DUOX1: variants seen among roughly 807,000 people sequenced by gnomAD.
DUOX1 encodes the protein NADPH thyroid oxidase 1.
A neutral mutation model predicts 181.8 loss-of-function variants in DUOX1; 134 were observed. That is an observed-to-expected ratio of 0.74 (90% CI 0.64 to 0.85). DUOX1 has a LOEUF of 0.85. DUOX1 is among the 40% of genes least tolerant of loss of function. The pLI, the probability that DUOX1 is intolerant of heterozygous loss-of-function variation, is 0.00. For synonymous variants in DUOX1, 798 were observed against 832.5 expected, an observed-to-expected ratio of 0.96 and a Z score of 0.71; for missense variants, 1,814 against 2,064.4, an observed-to-expected ratio of 0.88 and a Z score of 2.35.
Position 45,141,059 on chromosome 15 carries a change from C to T in DUOX1, c.1554C>T (p.Asn518=), listed in dbSNP as rs185196471. The T allele has an allele frequency of 5.6e-5, 91 of 1,614,234 alleles. No homozygotes were observed. The highest frequency in any genetic ancestry group is 7.6e-5 in the Non-Finnish European group (90 of 1,180,040). The part of the protein sequence containing the change: ...LRDGDRYWFE[N]TRNGLFSKKE... ...ATGGTGACCGCTACTGGTTTGAGAACACCAGGAATGGGTAAGGCGTGCTGG... is the reference window on the plus strand; with the variant it reads ...ATGGTGACCGCTACTGGTTTGAGAATACCAGGAATGGGTAAGGCGTGCTGG... Residue 518 remains asparagine, a synonymous_variant, in exon 13 of 34, where the codon AAC becomes AAT. Transcript: ENST00000389037.
At chr15:45,137,796 C>A in intron 9 of DUOX1, 128 bp from the exon 10 acceptor site, 1 of 695,466 alleles carries the variant, frequency 1.4e-6, no homozygotes, top group Non-Finnish European at 2.3e-6. Context: ...TGCTAAGGTC[C>A]GAACCACACA....
At chr15:45,156,553 C>T (rs1445033187) in intron 28 of DUOX1, among the ~76,000 whole-genome samples, 1 of 152,188 alleles carries the variant, frequency 6.6e-6, no homozygotes, top group African/African-American at 2.4e-5. Context: ...CTGTCTCAGC[C>T]TCCTGAGTAG....
intron 4 of DUOX1, 115 bp downstream of exon 4, chr15:45,134,424 G>A: frequency 8.6e-7 from 1 of 1,159,734 alleles, no homozygotes; most frequent in Non-Finnish European, 1.2e-6. Context: ...GGATGAGGGT[G>A]AGAGGTGGAG....
chr15:45,141,541 C>T (rs1159622666), intron 14 of DUOX1, 131 bp downstream of exon 14: 7 of 1,033,796 alleles, frequency 6.8e-6, no homozygotes, highest in Non-Finnish European at 8.8e-6. Flanking sequence ...TGGTTCTGCC[C>T]TTGGGAACTC....
chr15:45,148,245 C>T (rs181487318), intron 20 of DUOX1, 27 bp from the exon 21 acceptor site: 245 of 1,613,358 alleles, frequency 1.5e-4, no homozygotes, highest in Non-Finnish European at 1.9e-4. Flanking sequence ...CAGTCAGGGC[C>T]GGATGGTTCC....
intron 21 of DUOX1, among the ~76,000 whole-genome samples, chr15:45,149,619 TG>T (rs1348382129): frequency 4.6e-5 from 7 of 152,126 alleles, no homozygotes; most frequent in Non-Finnish European, 4.4e-5. Context: ...GAGGCCAAAG[TG>T]GGAGGATCAC....
chr15:45,156,145 T>A (rs1595593794), intron 28 of DUOX1, among the ~76,000 whole-genome samples: 1 of 152,112 alleles, frequency 6.6e-6, no homozygotes, highest in Admixed American at 6.5e-5. Context: ...CTGGCATGGG[T>A]TTTGCAGTAG....
chr15:45,149,089 G>A (rs1413637126), intron 21 of DUOX1, among the ~76,000 whole-genome samples: 1 of 152,152 alleles, frequency 6.6e-6, no homozygotes, highest in East Asian at 1.9e-4. Flanking sequence ...CAGCAGGCAG[G>A]AGGGTCTGTC....
rs1896709577 is a variant in DUOX1 at position 45,148,292 on chromosome 15, A to G, written c.2663A>G (p.Asn888Ser). Residue 888 changes from asparagine (N) to serine (S), a missense_variant, in exon 21 of 34, where the codon AAC (asparagine) becomes AGC (serine). Asn to Ser is a conservative substitution (Grantham distance 46). Coordinates refer to ENST00000389037, the MANE Select transcript of DUOX1 (RefSeq NM_175940.3). ...RMLRSFIEIS[N>S]NCLSKAQLAE... ...CCCAGATCCTTCATCGAGATCTCCA[A>G]CAACTGCCTGTCCAAGGCCCAGCTG... 17 of 1,614,212 alleles carry G rather than the reference A, an allele frequency of 1.1e-5. No individual in the cohort carries two copies. Among genetic ancestry groups the G allele is most frequent in the Non-Finnish European group, 1.4e-5 (17 of 1,180,038 alleles).
rs1567015196 is a variant in DUOX1, at chr15:45,147,929, T to C, written c.2574T>C (p.Leu858=). 2 of 1,613,994 alleles carry C rather than the reference T, an allele frequency of 1.2e-6. No homozygotes were observed. The change falls in exon 20 of 34, where the codon CTT becomes CTC. Residue 858 remains leucine (L), a synonymous_variant. Coordinates refer to ENST00000389037, the MANE Select transcript of DUOX1 (RefSeq NM_175940.3). The part of the protein sequence containing the change: ...MKGSPEEKSR[L]MFRMYDFDGN... ...GCTCTCCTGAGGAAAAGTCTCGCCT[T>C]ATGTTCCGCATGTACGACTTTGATG...
At chr15:45,154,101 C>A in intron 27 of DUOX1, 101 bp downstream of exon 27, 2 of 1,104,826 alleles carry the variant, frequency 1.8e-6, no homozygotes, top group Non-Finnish European at 2.8e-6. Context: ...TCACTCAGCT[C>A]TTCCGGTGAC....
intron 18 of DUOX1, among the ~76,000 whole-genome samples, chr15:45,145,353 C>G (rs949858920): frequency 6.6e-6 from 1 of 152,208 alleles, no homozygotes; most frequent in Non-Finnish European, 1.5e-5. Flanking sequence ...GCTGCCCAGA[C>G]TTTCCATCCT....
At chr15:45,163,387 G>A (rs886207116) in intron 31 of DUOX1, 145 bp from the exon 32 acceptor site, 23 of 1,196,004 alleles carry the variant, frequency 1.9e-5, no homozygotes, top group Middle Eastern at 2.9e-4. Flanking sequence ...GCCTGGCCCC[G>A]TGGCCCATAC....
At chr15:45,141,101 C>T (rs758878234) in intron 13 of DUOX1, 31 bp downstream of exon 13, 2 of 1,613,420 alleles carry the variant, frequency 1.2e-6, no homozygotes, top group African/African-American at 1.3e-5. Flanking sequence ...GCCTCAGGCT[C>T]TACCTCGGCC....
At position 45,164,949 on chromosome 15, in the gene DUOX1, A is replaced by G; in HGVS notation, c.*48A>G. ...CACTGCCCAGTTGAGCAGAGGTTTGAGCCCACACCTCACCTCTGTTCTTCC... is the reference window on the plus strand; with the variant it reads ...CACTGCCCAGTTGAGCAGAGGTTTGGGCCCACACCTCACCTCTGTTCTTCC... On this transcript the variant is annotated 3_prime_UTR_variant, in exon 34 of 34. Coordinates refer to ENST00000389037, the MANE Select transcript of DUOX1 (RefSeq NM_175940.3). 1 of 1,594,630 alleles carries G rather than the reference A, an allele frequency of 6.3e-7. No individual in the cohort carries two copies. Among genetic ancestry groups the G allele is most frequent in the Non-Finnish European group, 8.6e-7 (1 of 1,163,336 alleles).
chr15:45,136,232 TC>T, intron 7 of DUOX1, 117 bp from the exon 8 acceptor site: 1 of 1,511,406 alleles, frequency 6.6e-7, no homozygotes, highest in Non-Finnish European at 9.0e-7. Flanking sequence ...GAGTTGCTTC[TC>T]CCATGACTGA....
At chr15:45,162,438 T>A (rs1280187056) in intron 31 of DUOX1, 61 bp downstream of exon 31, 1 of 1,565,544 alleles carries the variant, frequency 6.4e-7, no homozygotes, top group East Asian at 2.3e-5. Flanking sequence ...ATGGTACCCA[T>A]CTGTGCCTTT....
chr15:45,135,584 C>A lies in DUOX1; in HGVS notation c.606C>A (p.Asp202Glu). 2 of 1,562,502 alleles carry A rather than the reference C, an allele frequency of 1.3e-6. No individual in the cohort carries two copies. The highest frequency in any genetic ancestry group is 1.7e-6 in the Non-Finnish European group (2 of 1,154,652). The change falls in exon 6 of 34, where the codon GAC becomes GAA. Residue 202 changes from aspartate (D) to glutamate (E), a missense_variant. Asp to Glu is a conservative substitution (Grantham distance 45). Around this residue, in one of 5 missense-constraint regions of DUOX1, gnomAD observed 320 missense variants for 313.1 expected, o/e 1.02. Transcript: ENST00000389037. ...FSRGQLASGP[D>E]PAFPRDSQNP... The stretch of plus-strand genomic sequence containing the variant: ...GGGGACAGCTGGCGTCGGGGCCCGA[C>A]CCCGCTTTTCCCCGAGACTCGCAGA...
chr15:45,149,494 T>C (rs369769133), intron 21 of DUOX1, among the ~76,000 whole-genome samples: 1 of 152,064 alleles, frequency 6.6e-6, no homozygotes, highest in South Asian at 2.1e-4. Flanking sequence ...GCACTGAGTA[T>C]TGTTTTCTTT....
Sources: gnomAD v4.1 joint callset for allele counts (sites outside exome capture counted in the v4.1 genomes callset) on GRCh38, gnomAD v4.1.1 for gene constraint, gnomAD v4.1.1 regional missense constraint, MANE v1.5 for transcripts, NCBI Gene and HGNC (gene_info 2026-07-23, HGNC 2026-07-21) for gene names.